The following UBR3 variants were observed in gnomAD, a reference collection of about 807,000 sequenced individuals.
UBR3 encodes the protein E3 ubiquitin-protein ligase UBR3.
Under a neutral mutation model 243.2 loss-of-function variants are expected in UBR3, and 85 were observed. That is an observed-to-expected ratio of 0.35 (90% CI 0.29 to 0.42). The LOEUF (loss-of-function observed/expected upper bound fraction) is 0.42, where lower values mean the gene tolerates loss of function less well. UBR3 is among the 10% of genes least tolerant of loss of function. The pLI is 1.00. For missense variants in UBR3, 1,686 were observed against 2,300.8 expected (o/e 0.73, Z 5.47); for synonymous variants, 748 against 799.8 (o/e 0.94, Z 1.09).
In UBR3 at chr2:169,852,870, A is replaced by C. The variant is rs977713032; in HGVS notation, c.546-19366A>C. ...CATCTCAAAAAAAAAAAAAAAAAAA[A>C]AAAAAAAACAAAACCAAACAAATTG... On this transcript the variant is annotated intron_variant, in intron 1 of 38. Transcript: ENST00000272793. Among the ~76,000 whole-genome samples the C allele has an allele frequency of 4.9e-5, 7 of 144,128 alleles. 1 individual carries two copies. The highest frequency in any genetic ancestry group is 1.2e-4 in the African/African-American group (5 of 40,278). The allele number at this position is 144,128 out of a possible 152,430, so 94.6% of individuals were successfully genotyped here.
chr2:170,020,379 G>A (rs973391571), intron 30 of UBR3, among the ~76,000 whole-genome samples: 2 of 152,268 alleles, frequency 1.3e-5, no homozygotes, highest in African/African-American at 4.8e-5. Flanking sequence ...AATGTTTTAT[G>A]TTCTGAAGAG....
intron 38 of UBR3, 41 bp from the exon 39 acceptor site, chr2:170,081,685 C>G (rs1240381683): frequency 1.4e-6 from 2 of 1,416,584 alleles, no homozygotes; most frequent in Admixed American, 4.3e-5. Context: ...GTGAAATCTT[C>G]CGTGTATGAT....
At chr2:169,852,886 A>C (rs2082712552) in intron 1 of UBR3, among the ~76,000 whole-genome samples, 2 of 148,494 alleles carry the variant, frequency 1.3e-5, no homozygotes, top group Non-Finnish European at 3.0e-5. Context: ...AAACAAAACC[A>C]AACAAATTGA....
chr2:169,941,612 CT>C (rs1358334826), intron 19 of UBR3, among the ~76,000 whole-genome samples: 1 of 152,166 alleles, frequency 6.6e-6, no homozygotes, highest in Non-Finnish European at 1.5e-5. Flanking sequence ...CAGTATATTG[CT>C]GTAATCTATT....
intron 10 of UBR3, among the ~76,000 whole-genome samples, chr2:169,908,122 T>C (rs1264357858): frequency 1.3e-5 from 2 of 152,254 alleles, no homozygotes; most frequent in Non-Finnish European, 2.9e-5. Flanking sequence ...ATTCCTGTGC[T>C]TTTGTTCAAG....
intron 5 of UBR3, among the ~76,000 whole-genome samples, chr2:169,881,724 T>TTATATTA (rs1180414033): frequency 1.4e-5 from 2 of 139,924 alleles, no homozygotes; most frequent in Non-Finnish European, 3.1e-5. Context: ...ATATGTATAT[T>TTATATTA]TATATTATAT....
chr2:169,897,471 A>T (rs564080200), intron 8 of UBR3, among the ~76,000 whole-genome samples: 1 of 151,984 alleles, frequency 6.6e-6, no homozygotes, highest in South Asian at 2.1e-4. Flanking sequence ...ATATATGTAT[A>T]TACACACATA....
intron 20 of UBR3, among the ~76,000 whole-genome samples, chr2:169,942,894 G>A (rs1284329629): frequency 6.6e-6 from 1 of 152,188 alleles, no homozygotes; most frequent in Non-Finnish European, 1.5e-5. Context: ...CTGTAGAACA[G>A]TAAGTGAAAT....
intron 30 of UBR3, among the ~76,000 whole-genome samples, chr2:170,025,207 T>C (rs2090497019): frequency 6.6e-6 from 1 of 152,184 alleles, no homozygotes; most frequent in Admixed American, 6.6e-5. Context: ...ATTGTCTTCT[T>C]CAGGGAGATC....
Position 170,082,878 on chromosome 2 carries a change from G to C in UBR3, c.*1035G>C, listed in dbSNP as rs1000646848. ...AAGGCGCAGTGGTGATGACCCTCAT[G>C]AATGAGCCACGCTTCTGCATTCTTC... On this transcript the variant is annotated 3_prime_UTR_variant, in exon 39 of 39. Coordinates refer to ENST00000272793, the MANE Select transcript of UBR3 (RefSeq NM_172070.4). 1 of 152,450 alleles carries C rather than the reference G, an allele frequency of 6.6e-6. No individual in the cohort carries two copies. The highest frequency in any genetic ancestry group is 1.5e-5 in the Non-Finnish European group (1 of 68,022). The allele number at this position is 152,450 out of a possible 1,614,324, so 9.4% of individuals were successfully genotyped here.
In UBR3 at chr2:170,081,881, C is replaced by T; in HGVS notation, c.*38C>T. On this transcript the variant is annotated 3_prime_UTR_variant, in exon 39 of 39. Coordinates refer to ENST00000272793, the MANE Select transcript of UBR3 (RefSeq NM_172070.4). ...GCATTGCATCGTATCATCATTTTCGCTACGAATTTATTTTTCAACAATAAG... is the reference window on the plus strand; with the variant it reads ...GCATTGCATCGTATCATCATTTTCGTTACGAATTTATTTTTCAACAATAAG... The T allele has an allele frequency of 7.5e-7, 1 of 1,341,166 alleles. No homozygotes were observed. The highest frequency in any genetic ancestry group is 1.6e-5 in the South Asian group (1 of 63,678). The allele number at this position is 1,341,166 out of a possible 1,614,324, so 83.1% of individuals were successfully genotyped here. A position where few individuals can be genotyped will look rare whatever the true frequency, so the allele number is the denominator to read the frequency against.
intron 30 of UBR3, among the ~76,000 whole-genome samples, chr2:170,021,526 G>A (rs985231286): frequency 3.3e-5 from 5 of 152,038 alleles, no homozygotes; most frequent in African/African-American, 9.7e-5. Context: ...GGGCTTCCTC[G>A]TGACCTAATC....
chr2:170,069,685 C>CT (rs893672879), intron 35 of UBR3, among the ~76,000 whole-genome samples: 2 of 151,594 alleles, frequency 1.3e-5, no homozygotes, highest in Non-Finnish European at 2.9e-5. Context: ...CTGTGACTGG[C>CT]TTATTTCATT....
Position 169,927,349 on chromosome 2 carries a change from G to T in UBR3, c.2368G>T (p.Glu790Ter). The part of the protein sequence containing the change: ...GMSDDEILRA[E>*]MVAQLCMNDR... ...GTCTGATGATGAGATTCTCAGGGCCGAGATGGTAGCCCAGCTGTGTATGAA... is the reference window on the plus strand; with the variant it reads ...GTCTGATGATGAGATTCTCAGGGCCTAGATGGTAGCCCAGCTGTGTATGAA... The change falls in exon 17 of 39, where the codon GAG becomes TAG. Residue 790 changes from glutamate (E) to a stop codon, truncating the protein, a stop_gained. Transcript: ENST00000272793. LOFTEE classifies it high-confidence loss of function. The T allele has an allele frequency of 6.4e-7, 1 of 1,550,906 alleles. No homozygotes were observed. The highest frequency in any genetic ancestry group is 8.7e-7 in the Non-Finnish European group (1 of 1,146,656).
chr2:169,926,252 T>C (rs2085904166), intron 14 of UBR3, among the ~76,000 whole-genome samples: 1 of 152,208 alleles, frequency 6.6e-6, no homozygotes, highest in Non-Finnish European at 1.5e-5. Flanking sequence ...TCTTCAGGTC[T>C]GTAATGCCCC....
At chr2:169,890,630 T>A (rs910549323) in intron 5 of UBR3, among the ~76,000 whole-genome samples, 2 of 144,754 alleles carry the variant, frequency 1.4e-5, no homozygotes, top group Non-Finnish European at 3.0e-5. Flanking sequence ...CAGAATGTAT[T>A]TCCTTTTTGG....
At chr2:170,036,512 AC>A (rs1325051765) in intron 31 of UBR3, among the ~76,000 whole-genome samples, 1 of 151,860 alleles carries the variant, frequency 6.6e-6, no homozygotes, top group African/African-American at 2.4e-5. Flanking sequence ...GAAAAAACTT[AC>A]CAAAAAAAGT....
rs116089719 is a variant in UBR3 at position 169,977,472 on chromosome 2, C to T, written c.3635-9173C>T. Among the ~76,000 whole-genome samples, 1,069 of 152,202 alleles carry T rather than the reference C, an allele frequency of 7.0e-3. 7 individuals carry two copies. Among genetic ancestry groups the T allele is most frequent in the African/African-American group, 0.024 (1,004 of 41,520 alleles). On this transcript the variant is annotated intron_variant, in intron 24 of 38. Transcript: ENST00000272793. ...AACCAGAGAAGCTGACAGTACAGTA[C>T]CCGGTCTGAGACTGAAGGCCTGCAA...
At chr2:170,017,581 A>T (rs1450280437) in intron 30 of UBR3, among the ~76,000 whole-genome samples, 1 of 92,584 alleles carries the variant, frequency 1.1e-5, no homozygotes, top group Non-Finnish European at 2.1e-5. Flanking sequence ...ACACACACAC[A>T]CAGGGGGAGA....
Sources: gnomAD v4.1 joint callset for allele counts (sites outside exome capture counted in the v4.1 genomes callset) on GRCh38, gnomAD v4.1.1 for gene constraint, MANE v1.5 for transcripts, NCBI Gene and HGNC (gene_info 2026-07-23, HGNC 2026-07-21) for gene names.